The following TMBIM4 variants were observed in gnomAD, a reference collection of about 807,000 sequenced individuals.
The protein encoded by TMBIM4 is transmembrane BAX inhibitor motif containing 4, also known as protein lifeguard 4.
A neutral mutation model predicts 27.7 loss-of-function variants in TMBIM4; 28 were observed. The observed-to-expected ratio is 1.01, with a 90% CI of 0.75 to 1.38. TMBIM4 has a LOEUF of 1.38. Among genes scored for constraint, TMBIM4 ranks in the 40% most tolerant of loss-of-function variants. The probability of loss-of-function intolerance (pLI) is 0.00; values close to 1 mark genes in which losing one functional copy is unlikely to be tolerated. For synonymous variants in TMBIM4, 115 were observed against 113.1 expected, an observed-to-expected ratio of 1.02 and a Z score of -0.11; for missense variants, 265 against 277.5, an observed-to-expected ratio of 0.95 and a Z score of 0.32.
intron 1 of TMBIM4, 46 bp from the exon 2 acceptor site, chr12:66,153,494 C>A: frequency 8.7e-7 from 1 of 1,150,812 alleles, no homozygotes; most frequent in South Asian, 1.4e-5. Flanking sequence ...AACCATTTAT[C>A]ATAGAACAGT....
intron 5 of TMBIM4, 159 bp from the exon 6 acceptor site, chr12:66,138,928 T>C (rs186319899): frequency 2.2e-4 from 236 of 1,068,022 alleles, no homozygotes; most frequent in Non-Finnish European, 1.2e-5. Flanking sequence ...ATAATGCCCA[T>C]CTTGGATCTT....
intron 5 of TMBIM4, among the ~76,000 whole-genome samples, chr12:66,141,537 G>A (rs2051668071): frequency 1.3e-5 from 2 of 151,774 alleles, no homozygotes; most frequent in African/African-American, 4.8e-5. Context: ...GAGGTGGTCA[G>A]ATTAGATTTT....
At chr12:66,166,761 C>T (rs2052137836) in intron 1 of TMBIM4, among the ~76,000 whole-genome samples, 1 of 152,218 alleles carries the variant, frequency 6.6e-6, no homozygotes, top group Non-Finnish European at 1.5e-5. Flanking sequence ...TAAACATTCT[C>T]TTACTATACA....
Position 66,138,270 on chromosome 12 carries a change from A to G in TMBIM4, c.511-104T>C, listed in dbSNP as rs528267639. The stretch of plus-strand genomic sequence containing the variant: ...TTACTGCTACATTATACATTTGACA[A>G]TGGTGTACAACTTTGAATACAAATG... On this transcript the variant is annotated intron_variant, in intron 6 of 6. Coordinates refer to ENST00000358230, the MANE Select transcript of TMBIM4 (RefSeq NM_016056.4). 2.6e-5 allele frequency: 39 copies of G among 1,472,730 alleles called. No homozygotes were observed. The African/African-American group carries it at 4.6e-4, about 17-fold the overall frequency. The allele number at this position is 1,472,730 out of a possible 1,614,324, so 91.2% of individuals were successfully genotyped here.
chr12:66,143,171 T>G (rs985199200), intron 5 of TMBIM4, among the ~76,000 whole-genome samples: 2 of 152,288 alleles, frequency 1.3e-5, no homozygotes, highest in South Asian at 2.1e-4. Flanking sequence ...CTACAAATAT[T>G]CTGCCTAAGT....
At position 66,152,292 on chromosome 12, in the gene TMBIM4, G is replaced by T; in HGVS notation, c.291C>A (p.Asn97Lys). The T allele has an allele frequency of 6.2e-7, 1 of 1,607,358 alleles. No individual in the cohort carries two copies. The highest frequency in any genetic ancestry group is 8.5e-7 in the Non-Finnish European group (1 of 1,176,096). Reference sequence around the variant, plus strand: ...TCACAAATCCAAAAAGTAGGTACAGGTTAAGGGGATACTTATGTCTGTTTA... The same window carrying T: ...TCACAAATCCAAAAAGTAGGTACAGTTTAAGGGGATACTTATGTCTGTTTA... ...LILNRHKYPL[N>K]LYLLFGFTLL... The change falls in exon 3 of 7, where the codon AAC becomes AAA. Residue 97 changes from asparagine to lysine, a missense_variant. Physicochemically the swap from Asn to Lys is moderately conservative, Grantham distance 94. Transcript: ENST00000358230.
intron 1 of TMBIM4, among the ~76,000 whole-genome samples, chr12:66,155,081 T>G (rs1419518111): frequency 4.6e-5 from 7 of 152,162 alleles, no homozygotes; most frequent in Non-Finnish European, 7.4e-5. Context: ...ATTTCTATCT[T>G]TTTCATAAAA....
chr12:66,149,843 T>G (rs369878401), intron 3 of TMBIM4, among the ~76,000 whole-genome samples: 17 of 151,530 alleles, frequency 1.1e-4, no homozygotes, highest in Middle Eastern at 6.8e-3. Flanking sequence ...TGATTCTAAG[T>G]TGAGGACTAT....
At chr12:66,139,949 G>C (rs1413016584) in intron 5 of TMBIM4, among the ~76,000 whole-genome samples, 5 of 152,148 alleles carry the variant, frequency 3.3e-5, no homozygotes, top group African/African-American at 1.2e-4. Context: ...GAGCCCCTAA[G>C]CTAAAAGCTG....
At chr12:66,155,335 T>TGAGAGAGAGACAGAGAGAGAGAGAGA (rs2051914359) in intron 1 of TMBIM4, among the ~76,000 whole-genome samples, 2 of 131,600 alleles carry the variant, frequency 1.5e-5, no homozygotes, top group African/African-American at 2.6e-5. Flanking sequence ...TGCACACGTG[T>TGAGAGAGAGACAGAGAGAGAGAGAGA]GAGAGAGAGA....
chr12:66,154,650 G>T (rs557228817), intron 1 of TMBIM4, among the ~76,000 whole-genome samples: 1 of 152,256 alleles, frequency 6.6e-6, no homozygotes, highest in South Asian at 2.1e-4. Flanking sequence ...GCCTATCATG[G>T]CAATGCTCAT....
intron 1 of TMBIM4, among the ~76,000 whole-genome samples, chr12:66,153,882 T>C (rs916483504): frequency 6.6e-6 from 1 of 152,082 alleles, no homozygotes; most frequent in African/African-American, 2.4e-5. Flanking sequence ...TAAAACTATT[T>C]CCCCCAAATG....
intron 5 of TMBIM4, among the ~76,000 whole-genome samples, chr12:66,139,469 A>C (rs1447431243): frequency 6.6e-6 from 1 of 152,226 alleles, no homozygotes; most frequent in Non-Finnish European, 1.5e-5. Context: ...AGCAAACAGC[A>C]CAGGACAGGG....
chr12:66,160,816 T>G (rs900887075), intron 1 of TMBIM4, among the ~76,000 whole-genome samples: 6 of 150,348 alleles, frequency 4.0e-5, no homozygotes, highest in African/African-American at 7.4e-5. Context: ...GCAGAGGTGC[T>G]CCTCACTTGC....
chr12:66,164,079 T>C (rs560003674), intron 1 of TMBIM4, among the ~76,000 whole-genome samples: 3 of 152,140 alleles, frequency 2.0e-5, no homozygotes, highest in Non-Finnish European at 4.4e-5. Flanking sequence ...AAAAGAAACA[T>C]GATCATCTCA....
intron 1 of TMBIM4, among the ~76,000 whole-genome samples, chr12:66,166,479 A>AG (rs1246829086): frequency 7.9e-6 from 1 of 126,158 alleles, no homozygotes; most frequent in East Asian, 2.3e-4. Flanking sequence ...AAAAAAAAAA[A>AG]AAAAAGAAAA....
At position 66,138,770 on chromosome 12, in the gene TMBIM4, C is replaced by A; in HGVS notation, c.465-1G>T. On this transcript the variant is annotated splice_acceptor_variant, in intron 5 of 6. Coordinates refer to ENST00000358230, the MANE Select transcript of TMBIM4 (RefSeq NM_016056.4). LOFTEE classifies it high-confidence loss of function. ...CAATATCCACAAAAGAGCAAACAGC[C>A]TATAAAAATACAATTTTAGTAATTT... 1 of 1,540,638 alleles carries A rather than the reference C, an allele frequency of 6.5e-7. No individual in the cohort carries two copies. Among genetic ancestry groups the A allele is most frequent in the Non-Finnish European group, 8.7e-7 (1 of 1,152,566 alleles).
At chr12:66,151,835 A>G (rs981772234) in intron 3 of TMBIM4, among the ~76,000 whole-genome samples, 6 of 152,370 alleles carry the variant, frequency 3.9e-5, no homozygotes, top group African/African-American at 1.4e-4. Flanking sequence ...TGATAAGATA[A>G]TAACAAAGAA....
chr12:66,155,374 C>T (rs1266213939), intron 1 of TMBIM4, among the ~76,000 whole-genome samples: 1 of 92,648 alleles, frequency 1.1e-5, no homozygotes, highest in African/African-American at 3.2e-5. Context: ...GGGTCTCACT[C>T]TGTCACCCAG....
Sources: allele counts gnomAD v4.1 joint callset (sites outside exome capture counted in the v4.1 genomes callset), GRCh38; gene constraint gnomAD v4.1.1; transcripts MANE v1.5; gene names NCBI Gene and HGNC (gene_info 2026-07-23, HGNC 2026-07-21).